ARHGAP26: variants seen among roughly 807,000 people sequenced by gnomAD.
The protein encoded by ARHGAP26 is Rho GTPase activating protein 26.
Under a neutral mutation model 104.8 loss-of-function variants are expected in ARHGAP26, and 38 were observed. That is an observed-to-expected ratio of 0.36 (90% CI 0.28 to 0.48). The LOEUF (loss-of-function observed/expected upper bound fraction) is 0.48, where lower values mean the gene tolerates loss of function less well. Ranked by LOEUF, ARHGAP26 falls within the 20% of genes least tolerant of loss-of-function variation. The probability of loss-of-function intolerance (pLI) is 0.99; values close to 1 mark genes in which losing one functional copy is unlikely to be tolerated. For missense variants in ARHGAP26, 704 were observed against 947.9 expected (o/e 0.74, Z 3.38); for synonymous variants, 341 against 340.0 (o/e 1.00, Z -0.03).
At chr5:143,204,577 G>T (rs531421275) in intron 20 of ARHGAP26, among the ~76,000 whole-genome samples, 1 of 152,256 alleles carries the variant, frequency 6.6e-6, no homozygotes, top group African/African-American at 2.4e-5. Context: ...GGATTGAGGA[G>T]TAAGTTATTA....
chr5:142,841,773 G>C (rs756304468), intron 1 of ARHGAP26, among the ~76,000 whole-genome samples: 7 of 152,226 alleles, frequency 4.6e-5, no homozygotes, highest in Non-Finnish European at 2.9e-5. Context: ...AGAGGGTAGA[G>C]ACAAGGAAAG....
chr5:143,079,230 A>G (rs1400505087), intron 17 of ARHGAP26, among the ~76,000 whole-genome samples: 1 of 152,256 alleles, frequency 6.6e-6, no homozygotes, highest in Non-Finnish European at 1.5e-5. Flanking sequence ...AGAGTTGGGC[A>G]ACCAAACAAG....
chr5:142,815,243 G>T (rs1197241444), intron 1 of ARHGAP26, among the ~76,000 whole-genome samples: 1 of 152,166 alleles, frequency 6.6e-6, no homozygotes, highest in Non-Finnish European at 1.5e-5. Flanking sequence ...GTTTCACCAT[G>T]TTGGCCAGGC....
intron 17 of ARHGAP26, among the ~76,000 whole-genome samples, chr5:143,094,848 GGGAATGAGTCGGGGTGGAGCAGGTAATC>G (rs1792071441): frequency 1.3e-5 from 2 of 152,092 alleles, no homozygotes; most frequent in South Asian, 2.1e-4. Context: ...AGCAGGTAAT[GGGAATGAGTCGGGGTGGAGCAGGTAATC>G]GGAATGAGTC....
chr5:142,813,324 C>T (rs974749384), intron 1 of ARHGAP26, among the ~76,000 whole-genome samples: 4 of 152,194 alleles, frequency 2.6e-5, no homozygotes, highest in African/African-American at 7.2e-5. Flanking sequence ...CTCTGAAAGG[C>T]AATACCAGGT....
chr5:143,106,889 G>A (rs1794100842), intron 17 of ARHGAP26, among the ~76,000 whole-genome samples: 1 of 152,172 alleles, frequency 6.6e-6, no homozygotes. Flanking sequence ...CTAGGCTGTA[G>A]ACTTCTGGAC....
chr5:143,054,622 T>A lies in ARHGAP26; in HGVS notation c.1373+96T>A, dbSNP rs1184559296. The A allele has an allele frequency of 8.0e-6, 7 of 870,530 alleles. No homozygotes were observed. In the East Asian group the frequency reaches 1.7e-4, roughly 22 times the overall value. 53.9% of individuals were successfully genotyped at this position (870,530 alleles called of 1,614,324 possible). A position where few individuals can be genotyped will look rare whatever the true frequency, so the allele number is the denominator to read the frequency against. Reference sequence around the variant, plus strand: ...TTTCAGACTCCGGAGAGCTGTCGGGTGGGTGTTTGAGATGTGGAAACAGCT... The same window carrying A: ...TTTCAGACTCCGGAGAGCTGTCGGGAGGGTGTTTGAGATGTGGAAACAGCT... On this transcript the variant is annotated intron_variant, in intron 15 of 22. Transcript: ENST00000645722.
intron 1 of ARHGAP26, among the ~76,000 whole-genome samples, chr5:142,774,469 G>A (rs1225387276): frequency 1.3e-5 from 2 of 151,414 alleles, no homozygotes; most frequent in East Asian, 1.9e-4. Flanking sequence ...AGTGGGAAGT[G>A]TAGAAAGTTC....
rs189431511 is a variant in ARHGAP26 at position 142,880,473 on chromosome 5, G to A, written c.384+1028G>A. On this transcript the variant is annotated intron_variant, in intron 4 of 22. Transcript: ENST00000645722. ...GTGGAGGTTGCAGTGAGCCGAGATC[G>A]CGCCACTGACTGCAGCCTGGGCAAC... Among the ~76,000 whole-genome samples the A allele has an allele frequency of 4.5e-3, 685 of 151,694 alleles. 11 individuals are homozygous for A. The highest frequency in any genetic ancestry group is 0.029 in the Admixed American group (437 of 15,250).
Position 143,037,199 on chromosome 5 carries a change from C to A in ARHGAP26, c.1148C>A (p.Ala383Glu). 6.3e-7 allele frequency: 1 copy of A among 1,599,546 alleles called. No individual in the cohort carries two copies. Among genetic ancestry groups the A allele is most frequent in the Non-Finnish European group, 8.6e-7 (1 of 1,169,162 alleles). Residue 383 changes from alanine (A) to glutamate (E), a missense_variant, in exon 13 of 23, where the codon GCG becomes GAG. Physicochemically the swap from Ala to Glu is moderately radical, Grantham distance 107. Coordinates refer to ENST00000645722, the MANE Select transcript of ARHGAP26 (RefSeq NM_001135608.3). Reference protein sequence around the residue: ...SNKDSQSEGTAQLDSIGFSII... With the variant: ...SNKDSQSEGTEQLDSIGFSII... ...TGTCCTTCTCTTGCTCTTTCAGCTG[C>A]GCAGTTGGACAGCATTGGCTTCAGC...
chr5:143,139,093 T>G (rs549197133), intron 19 of ARHGAP26, among the ~76,000 whole-genome samples: 3 of 152,304 alleles, frequency 2.0e-5, no homozygotes, highest in African/African-American at 7.2e-5. Flanking sequence ...AAAGTTTCAT[T>G]CAGCTGGGCA....
rs74292668 is a variant in ARHGAP26 at position 143,052,144 on chromosome 5, A to G, written c.1286-2295A>G. On this transcript the variant is annotated intron_variant, in intron 14 of 22. Coordinates refer to ENST00000645722, the MANE Select transcript of ARHGAP26 (RefSeq NM_001135608.3). ...CAGAAATTTGCTGTGATAGAACTCT[A>G]TGGAATTTACTGTTCTGTAGCCCCA... Among the ~76,000 whole-genome samples, 6,906 of 152,274 alleles carry G rather than the reference A, an allele frequency of 0.045. 891 individuals are homozygous for G. In the East Asian group the frequency reaches 0.53, roughly 12 times the overall value.
rs576591767 is a variant in ARHGAP26, at chr5:143,049,109, A to G, written c.1286-5330A>G. 2.0e-4 allele frequency among the ~76,000 whole-genome samples: 30 copies of G among 152,212 alleles called. No homozygotes were observed. In the South Asian group the frequency reaches 6.2e-3, roughly 32 times the overall value. ...TCACCATGTAATCATTCTTTTATAC[A>G]TATTGGGGGCCACTGAAGGAGTTTT... On this transcript the variant is annotated intron_variant, in intron 14 of 22. Coordinates refer to ENST00000645722, the MANE Select transcript of ARHGAP26 (RefSeq NM_001135608.3).
rs111995762 is a variant in ARHGAP26 at position 142,890,339 on chromosome 5, G to T, written c.487-3899G>T. 2.0e-3 allele frequency among the ~76,000 whole-genome samples: 304 copies of T among 151,128 alleles called. 3 individuals carry two copies. The highest frequency in any genetic ancestry group is 7.0e-3 in the African/African-American group (287 of 41,196). On this transcript the variant is annotated intron_variant, in intron 5 of 22. Transcript: ENST00000645722. ...GGGCAGAATGAACACCAGGTGAAAA[G>T]GTTGTGGGAAAGAAAGCGGTTTGGA...
chr5:143,160,209 G>A (rs563694505), intron 20 of ARHGAP26, among the ~76,000 whole-genome samples: 7 of 151,862 alleles, frequency 4.6e-5, no homozygotes, highest in Admixed American at 2.6e-4. Flanking sequence ...ACAGGTGCCC[G>A]CCACCACACC....
chr5:143,064,119 G>A (rs1172356440), intron 17 of ARHGAP26, among the ~76,000 whole-genome samples: 2 of 151,962 alleles, frequency 1.3e-5, no homozygotes, highest in African/African-American at 4.8e-5. Flanking sequence ...TGAAAAATTC[G>A]TATCTCACCA....
At chr5:142,873,530 A>T (rs779692526) in intron 2 of ARHGAP26, 35 bp downstream of exon 2, 1 of 1,398,318 alleles carries the variant, frequency 7.2e-7, no homozygotes, top group Non-Finnish European at 9.7e-7. Context: ...AAAAATGTTC[A>T]TTGTTTGTCA....
intron 11 of ARHGAP26, among the ~76,000 whole-genome samples, chr5:142,997,826 G>A (rs182282851): frequency 5.3e-4 from 80 of 151,472 alleles, no homozygotes; most frequent in Non-Finnish European, 9.0e-4. Context: ...TGCTGATATC[G>A]TGTCTAAGTG....
intron 20 of ARHGAP26, among the ~76,000 whole-genome samples, chr5:143,181,835 G>A (rs1804423726): frequency 6.6e-6 from 1 of 152,066 alleles, no homozygotes; most frequent in Admixed American, 6.5e-5. Context: ...TCCGATTCAG[G>A]AATTTGTTTA....
Sources: allele counts gnomAD v4.1 joint callset (sites outside exome capture counted in the v4.1 genomes callset), GRCh38; gene constraint gnomAD v4.1.1; transcripts MANE v1.5; gene names NCBI Gene and HGNC (gene_info 2026-07-23, HGNC 2026-07-21).